The following DCDC1 variants were observed in gnomAD, a reference collection of about 807,000 sequenced individuals.
DCDC1 encodes the protein doublecortin domain-containing protein 1.
Under a neutral mutation model 178.3 loss-of-function variants are expected in DCDC1, and 200 were observed. The ratio of observed to expected loss-of-function variants is 1.12; its 90% CI spans 1.00 to 1.26. The LOEUF (loss-of-function observed/expected upper bound fraction) is 1.26, where lower values mean the gene tolerates loss of function less well. DCDC1 is among the 50% of genes most tolerant of loss of function. The probability of loss-of-function intolerance (pLI) is 0.00; values close to 1 mark genes in which losing one functional copy is unlikely to be tolerated. For missense variants in DCDC1, 1,983 were observed against 1,749.2 expected, an observed-to-expected ratio of 1.13 and a Z score of -2.38; for synonymous variants, 690 against 604.8, an observed-to-expected ratio of 1.14 and a Z score of -2.07.
At chr11:31,313,505 C>T (rs1948885782) in intron 3 of DCDC1, among the ~76,000 whole-genome samples, 1 of 152,102 alleles carries the variant, frequency 6.6e-6, no homozygotes, top group African/African-American at 2.4e-5. Flanking sequence ...GGTTTTGCAT[C>T]CTGTCCTTCC....
intron 11 of DCDC1, among the ~76,000 whole-genome samples, chr11:31,111,611 C>G (rs1959176859): frequency 6.6e-6 from 1 of 152,170 alleles, no homozygotes; most frequent in Non-Finnish European, 1.5e-5. Context: ...TCCAAGGAAA[C>G]TGGTAAACCC....
chr11:30,900,316 C>T (rs763223087), intron 33 of DCDC1, 30 bp downstream of exon 33: 13 of 1,485,250 alleles, frequency 8.8e-6, no homozygotes, highest in Non-Finnish European at 1.2e-5. Context: ...CATATACTTG[C>T]TTGAAAGAAA....
chr11:31,192,940 G>A (rs1272172870), intron 9 of DCDC1, among the ~76,000 whole-genome samples: 2 of 152,062 alleles, frequency 1.3e-5, no homozygotes, highest in African/African-American at 4.8e-5. Context: ...GTAGAAGGAA[G>A]GTAAATTTGT....
intron 34 of DCDC1, among the ~76,000 whole-genome samples, chr11:30,896,771 T>C (rs929654090): frequency 6.6e-6 from 1 of 152,204 alleles, no homozygotes; most frequent in Non-Finnish European, 1.5e-5. Flanking sequence ...ATACTAACCA[T>C]GTAGTAAAGA....
intron 7 of DCDC1, among the ~76,000 whole-genome samples, chr11:31,281,512 G>A (rs530469453): frequency 6.6e-6 from 1 of 152,026 alleles, no homozygotes; most frequent in South Asian, 2.1e-4. Context: ...CTACTGAAAT[G>A]AGCATATGGC....
chr11:30,871,057 A>G (rs182224824), intron 38 of DCDC1, among the ~76,000 whole-genome samples: 6 of 152,326 alleles, frequency 3.9e-5, no homozygotes, highest in Admixed American at 2.6e-4. Context: ...AATCTAAAGG[A>G]ATGAGTAGAA....
At position 30,894,342 on chromosome 11, in the gene DCDC1, G is replaced by A. The variant is rs763974934; in HGVS notation, c.4808C>T (p.Thr1603Ile). The change falls in exon 35 of 39, where the codon ACC (threonine) becomes ATC (isoleucine). Residue 1603 changes from threonine (T) to isoleucine (I), a missense_variant. Coordinates refer to ENST00000684477, the MANE Select transcript of DCDC1 (RefSeq NM_001387274.1). ...AACQPATMVP[T>I]KSPVQPVVVE... ...CACCACGGGCTGCACAGGGCTCTTG[G>A]TAGGAACCATGGTGGCTGGCTGACA... 3 of 1,613,756 alleles carry A rather than the reference G, an allele frequency of 1.9e-6. No individual in the cohort carries two copies. Among genetic ancestry groups the A allele is most frequent in the Non-Finnish European group, 1.7e-6 (2 of 1,179,834 alleles).
chr11:31,050,806 G>C (rs1181987123), intron 20 of DCDC1, among the ~76,000 whole-genome samples: 1 of 152,114 alleles, frequency 6.6e-6, no homozygotes, highest in Non-Finnish European at 1.5e-5. Context: ...AAAAGGGGGA[G>C]AGTCTACATC....
chr11:31,009,167 A>T (rs1017861712), intron 20 of DCDC1, among the ~76,000 whole-genome samples: 16 of 152,234 alleles, frequency 1.1e-4, no homozygotes, highest in Admixed American at 3.3e-4. Flanking sequence ...ATGGAAACAA[A>T]TTACAAATCC....
At chr11:30,867,980 C>T (rs1440430871) in intron 38 of DCDC1, among the ~76,000 whole-genome samples, 1 of 152,024 alleles carries the variant, frequency 6.6e-6, no homozygotes, top group Non-Finnish European at 1.5e-5. Flanking sequence ...GAGTCCCAGC[C>T]CAATATTCCT....
At chr11:31,281,583 G>A (rs1401465164) in intron 7 of DCDC1, among the ~76,000 whole-genome samples, 1 of 152,028 alleles carries the variant, frequency 6.6e-6, no homozygotes, top group Non-Finnish European at 1.5e-5. Context: ...AACTGATATG[G>A]TTTGGCTCTG....
At chr11:31,037,619 AGCCCGGATAAT>A in intron 20 of DCDC1, among the ~76,000 whole-genome samples, 1 of 151,824 alleles carries the variant, frequency 6.6e-6, no homozygotes, top group African/African-American at 2.4e-5. Flanking sequence ...ATACAAAATT[AGCCCGGATAAT>A]TTTTCGTATT....
At chr11:30,874,254 A>G (rs1373530422) in intron 38 of DCDC1, among the ~76,000 whole-genome samples, 1 of 152,170 alleles carries the variant, frequency 6.6e-6, no homozygotes, top group African/African-American at 2.4e-5. Context: ...GGTGCTTGTT[A>G]AAATGCAGAT....
intron 20 of DCDC1, 138 bp from the exon 21 acceptor site, chr11:30,952,706 G>T (rs1157000094): frequency 4.9e-6 from 2 of 412,030 alleles, no homozygotes; most frequent in Non-Finnish European, 8.6e-6. Context: ...CTGAAAATTT[G>T]CTGTGTAAAG....
At chr11:30,932,800 G>C (rs1947022021) in intron 21 of DCDC1, among the ~76,000 whole-genome samples, 1 of 152,154 alleles carries the variant, frequency 6.6e-6, no homozygotes, top group Non-Finnish European at 1.5e-5. Flanking sequence ...AGGTTTATCA[G>C]ACTTGAGGAT....
intron 21 of DCDC1, among the ~76,000 whole-genome samples, chr11:30,940,821 G>A (rs984498284): frequency 6.6e-6 from 1 of 151,842 alleles, no homozygotes; most frequent in Non-Finnish European, 1.5e-5. Flanking sequence ...GTCACCATTG[G>A]CAGAACAGAT....
intron 9 of DCDC1, among the ~76,000 whole-genome samples, chr11:31,187,710 G>C (rs889902498): frequency 6.6e-6 from 1 of 152,092 alleles, no homozygotes; most frequent in African/African-American, 2.4e-5. Context: ...GAAATCAAAG[G>C]ATCCAGTTAC....
intron 9 of DCDC1, among the ~76,000 whole-genome samples, chr11:31,153,254 T>TC (rs1376850026): frequency 1.3e-5 from 2 of 152,130 alleles, no homozygotes; most frequent in African/African-American, 2.4e-5. Context: ...TCTTCTCCCA[T>TC]CCCCTTCCTT....
chr11:31,245,387 G>T (rs1180973205), intron 8 of DCDC1, among the ~76,000 whole-genome samples: 2 of 151,168 alleles, frequency 1.3e-5, no homozygotes, highest in African/African-American at 2.4e-5. Context: ...AGTCTTCTGG[G>T]TAAGTTTTAA....
Sources: gnomAD v4.1 joint callset for allele counts (sites outside exome capture counted in the v4.1 genomes callset) on GRCh38, gnomAD v4.1.1 for gene constraint, MANE v1.5 for transcripts, NCBI Gene and HGNC (gene_info 2026-07-23, HGNC 2026-07-21) for gene names.